Variants in DCHS2 observed in about 807,000 individuals in gnomAD.
DCHS2 encodes protocadherin-23.
Under a neutral mutation model 182.4 loss-of-function variants are expected in DCHS2, and 142 were observed. The ratio of observed to expected loss-of-function variants is 0.78; its 90% CI spans 0.68 to 0.89. The LOEUF is 0.89. Among genes scored for constraint, DCHS2 ranks in the 40% least tolerant of loss-of-function variants. DCHS2 has a pLI of 0.00. For missense variants in DCHS2, 4,319 were observed against 4,198.6 expected (o/e 1.03, Z -0.79); for synonymous variants, 1,740 against 1,663.3 (o/e 1.05, Z -1.12).
At chr4:154,417,335 A>G (rs1281229867) in intron 1 of DCHS2, among the ~76,000 whole-genome samples, 1 of 151,784 alleles carries the variant, frequency 6.6e-6, no homozygotes, top group East Asian at 1.9e-4. Flanking sequence ...TGACAGTTTA[A>G]TGTTCAGGAT....
chr4:154,397,119 A>G (rs1731963376), intron 1 of DCHS2, among the ~76,000 whole-genome samples: 1 of 152,250 alleles, frequency 6.6e-6, no homozygotes. Flanking sequence ...AGCTAAGAGC[A>G]GAAAAGGACA....
rs751808476 is a variant in DCHS2 at position 154,384,481 on chromosome 4, A to T, written c.2053-7037T>A. 5.8e-5 allele frequency: 92 copies of T among 1,577,500 alleles called. No individual in the cohort carries two copies. In the South Asian group the frequency reaches 1.0e-3, roughly 17 times the overall value. On this transcript the variant is annotated intron_variant, in intron 1 of 19. Transcript: ENST00000357232. Reference sequence around the variant, plus strand: ...AATCCACACTGACTGCTTGTAGGGGACTGAATGCTGGCCTCCAAAAAACCT... The same window carrying T: ...AATCCACACTGACTGCTTGTAGGGGTCTGAATGCTGGCCTCCAAAAAACCT...
At chr4:154,289,597 A>G (rs1734559045) in intron 13 of DCHS2, among the ~76,000 whole-genome samples, 1 of 152,084 alleles carries the variant, frequency 6.6e-6, no homozygotes, top group Non-Finnish European at 1.5e-5. Context: ...CCAGGTCATT[A>G]TTATCTTCGT....
At chr4:154,472,625 A>G (rs1461547676) in intron 1 of DCHS2, among the ~76,000 whole-genome samples, 3 of 152,342 alleles carry the variant, frequency 2.0e-5, no homozygotes, top group South Asian at 2.1e-4. Context: ...GTCTACAATT[A>G]AGTTCATTTT....
intron 3 of DCHS2, among the ~76,000 whole-genome samples, chr4:154,350,344 T>C (rs894233886): frequency 9.2e-5 from 14 of 152,184 alleles, no homozygotes; most frequent in Admixed American, 9.2e-4. Context: ...AAGCAAATCA[T>C]TGGAAAATAT....
chr4:154,477,669 G>A (rs546553364), intron 1 of DCHS2, among the ~76,000 whole-genome samples: 14 of 152,332 alleles, frequency 9.2e-5, no homozygotes, highest in Non-Finnish European at 1.3e-4. Flanking sequence ...ATAAGAGAAC[G>A]TTGTACTCAG....
At chr4:154,250,099 G>T (rs911768627) in intron 16 of DCHS2, among the ~76,000 whole-genome samples, 6 of 152,136 alleles carry the variant, frequency 3.9e-5, no homozygotes, top group African/African-American at 1.4e-4. Context: ...TATAAGAAAT[G>T]TGAGCATCCA....
chr4:154,268,013 C>A (rs1420595316), intron 14 of DCHS2, among the ~76,000 whole-genome samples: 1 of 152,196 alleles, frequency 6.6e-6, no homozygotes, highest in Non-Finnish European at 1.5e-5. Context: ...CTTCCACCCC[C>A]AAATTTAATG....
Position 154,315,956 on chromosome 4 carries a change from A to G in DCHS2, c.5052T>C (p.Tyr1684=), listed in dbSNP as rs1170681181. Residue 1684 remains tyrosine, a synonymous_variant, in exon 10 of 20, where the codon TAT becomes TAC. Coordinates refer to ENST00000357232, the MANE Select transcript of DCHS2 (RefSeq NM_001358235.2). ...GLLTTTCPLD[Y]EMKTQHILTV... is the part of the protein sequence containing the mutation. ...TCAGAATATGCTGAGTTTTCATTTC[A>G]TAATCCAAAGGACAGGTTGTGGTTA... 1.9e-6 allele frequency: 3 copies of G among 1,613,956 alleles called. No individual in the cohort carries two copies. The highest frequency in any genetic ancestry group is 1.1e-5 in the South Asian group (1 of 91,088).
At chr4:154,371,332 C>G (rs1053639768) in intron 2 of DCHS2, among the ~76,000 whole-genome samples, 1 of 152,106 alleles carries the variant, frequency 6.6e-6, no homozygotes, top group Non-Finnish European at 1.5e-5. Flanking sequence ...GCAGGGCACC[C>G]AACTCACTTC....
intron 2 of DCHS2, among the ~76,000 whole-genome samples, chr4:154,370,870 T>C (rs1730613387): frequency 6.6e-6 from 1 of 152,050 alleles, no homozygotes; most frequent in African/African-American, 2.4e-5. Flanking sequence ...CTAAAGGGAG[T>C]TTGCAACTGA....
chr4:154,409,651 CCTGAGCACAGGACT>C (rs1191093008), intron 1 of DCHS2, among the ~76,000 whole-genome samples: 6 of 152,118 alleles, frequency 3.9e-5, no homozygotes, highest in African/African-American at 1.4e-4. Flanking sequence ...CTCATAAGCT[CCTGAGCACAGGACT>C]CTGGCTCCAC....
At position 154,321,238 on chromosome 4, in the gene DCHS2, AAG is replaced by A. The variant is rs774834549; in HGVS notation, c.4177-18_4177-17del. The A allele has an allele frequency of 6.8e-7, 1 of 1,464,006 alleles. No individual in the cohort carries two copies. The highest frequency in any genetic ancestry group is 9.0e-7 in the Non-Finnish European group (1 of 1,107,174). The allele number at this position is 1,464,006 out of a possible 1,614,324, so 90.7% of individuals were successfully genotyped here. A position where few individuals can be genotyped will look rare whatever the true frequency, so the allele number is the denominator to read the frequency against. ...GTGGGATCACCTGAAATACGAATAA[AAG>A]AGATATTAATTTGGGGTATTTTTAA... On this transcript the variant is annotated splice_polypyrimidine_tract_variant and intron_variant, in intron 8 of 19. Transcript: ENST00000357232.
chr4:154,241,358 T>C (rs2111105728), intron 17 of DCHS2, among the ~76,000 whole-genome samples: 1 of 152,268 alleles, frequency 6.6e-6, no homozygotes, highest in Non-Finnish European at 1.5e-5. Flanking sequence ...TTCTTAAATC[T>C]GACTCTCAAA....
At chr4:154,449,516 G>A (rs1283620219) in intron 1 of DCHS2, among the ~76,000 whole-genome samples, 1 of 151,908 alleles carries the variant, frequency 6.6e-6, no homozygotes, top group Non-Finnish European at 1.5e-5. Context: ...GACTACAGGT[G>A]CGTGCCACCA....
At chr4:154,454,506 T>G (rs1409662774) in intron 1 of DCHS2, among the ~76,000 whole-genome samples, 1 of 152,222 alleles carries the variant, frequency 6.6e-6, no homozygotes, top group Non-Finnish European at 1.5e-5. Flanking sequence ...ACATATGGAC[T>G]TAAAAATTAT....
chr4:154,466,462 C>T (rs954086913), intron 1 of DCHS2, among the ~76,000 whole-genome samples: 2 of 152,128 alleles, frequency 1.3e-5, no homozygotes, highest in African/African-American at 4.8e-5. Flanking sequence ...TTATAGCAAG[C>T]GGTAACGAAG....
intron 1 of DCHS2, among the ~76,000 whole-genome samples, chr4:154,448,250 A>T (rs2110970810): frequency 6.6e-6 from 1 of 152,178 alleles, no homozygotes; most frequent in African/African-American, 2.4e-5. Context: ...AGGTAATCTG[A>T]TGCAGGCCTA....
chr4:154,240,519 T>C lies in DCHS2; in HGVS notation c.7359+18A>G, dbSNP rs754695218. On this transcript the variant is annotated intron_variant, in intron 18 of 19. Transcript: ENST00000357232. The stretch of plus-strand genomic sequence containing the variant: ...TCTAGTTTTGGCTTTGGTTTCGGCA[T>C]CTCTTTAAGCCCTTTACCTGATAGA... 6.2e-7 allele frequency: 1 copy of C among 1,603,776 alleles called. No homozygotes were observed. The highest frequency in any genetic ancestry group is 1.1e-5 in the South Asian group (1 of 90,280).
Sources: gnomAD v4.1 joint callset for allele counts (sites outside exome capture counted in the v4.1 genomes callset) on GRCh38, gnomAD v4.1.1 for gene constraint, MANE v1.5 for transcripts, NCBI Gene and HGNC (gene_info 2026-07-23, HGNC 2026-07-21) for gene names.